The following OTC variants were observed in gnomAD, a reference collection of about 807,000 sequenced individuals.
OTC encodes the protein ornithine transcarbamylase, mitochondrial.
OTC carries 3 observed loss-of-function variants against 30.3 expected under a neutral mutation model. That is an observed-to-expected ratio of 0.10 (90% CI 0.05 to 0.26). OTC has a LOEUF of 0.26. Ranked by LOEUF, OTC falls within the 10% of genes least tolerant of loss-of-function variation. The probability of loss-of-function intolerance (pLI) is 1.00; values close to 1 mark genes in which losing one functional copy is unlikely to be tolerated. For missense variants in OTC, 194 were observed against 260.3 expected (o/e 0.75, Z 1.75); for synonymous variants, 111 against 99.7 (o/e 1.11, Z -0.67).
the OTC span, among the ~76,000 whole-genome samples, chrX:38,331,455 G>GT: frequency 1.1e-3 from 26 of 23,452 alleles, no homozygotes; most frequent in East Asian, 9.3e-3. Context: ...TTTTTTTTTT[G>GT]TTTGTTTTTT....
chrX:38,370,235 A>G (rs1335725856), intron 3 of OTC, among the ~76,000 whole-genome samples: 1 of 112,196 alleles, frequency 8.9e-6, no homozygotes, highest in Non-Finnish European at 1.9e-5. Context: ...TGTGTGTCTC[A>G]ATTCTGCTAG....
intron 4 of OTC, among the ~76,000 whole-genome samples, chrX:38,398,104 G>T (rs5917593): frequency 0.18 from 20,295 of 111,138 alleles, 1,592 homozygotes; most frequent in Middle Eastern, 0.27. Flanking sequence ...CTTTGCTTCA[G>T]GAGTTTTGGG....
chrX:38,390,997 A>T (rs772850442), intron 4 of OTC, among the ~76,000 whole-genome samples: 1 of 111,361 alleles, frequency 9.0e-6, no homozygotes, highest in Admixed American at 9.6e-5. Context: ...AAAAGAAAAA[A>T]CACCAAGCAA....
chrX:38,398,603 C>A (rs1569278871), intron 4 of OTC, among the ~76,000 whole-genome samples: 1 of 110,702 alleles, frequency 9.0e-6, no homozygotes, highest in Admixed American at 9.7e-5. Context: ...CTGCCCCCAC[C>A]CTCTCCTTCT....
chrX:38,396,119 A>AT (rs200519696), intron 4 of OTC, among the ~76,000 whole-genome samples: 33,226 of 97,423 alleles, frequency 0.34, 5,412 homozygotes, highest in Middle Eastern at 0.5. Flanking sequence ...CGCCCGGCTA[A>AT]TTTTTTTTTT....
chrX:38,364,579 C>T (rs1234851475), intron 1 of OTC, among the ~76,000 whole-genome samples: 2 of 110,940 alleles, frequency 1.8e-5, no homozygotes, highest in Non-Finnish European at 3.8e-5. Flanking sequence ...ATCACTTGTG[C>T]TCAGGAGTTC....
At chrX:38,348,641 A>G (rs1410597303), upstream of OTC, among the ~76,000 whole-genome samples, 4 of 104,433 alleles carry the variant, frequency 3.8e-5, no homozygotes, top group Non-Finnish European at 7.8e-5. Flanking sequence ...GGTTCACGCC[A>G]TTCTCCTGCC....
chrX:38,378,271 T>C (rs1487418901), intron 3 of OTC, among the ~76,000 whole-genome samples: 1 of 102,436 alleles, frequency 9.8e-6, no homozygotes, highest in Admixed American at 1.1e-4. Context: ...CCCACAATCA[T>C]TGTGGCTTCC....
chrX:38,356,402 T>C (rs2068241796), intron 1 of OTC, among the ~76,000 whole-genome samples: 1 of 111,859 alleles, frequency 8.9e-6, no homozygotes, highest in African/African-American at 3.3e-5. Context: ...TGAGTTCTTT[T>C]CACATGACCA....
chrX:38,396,113 C>T (rs181033172), intron 4 of OTC, among the ~76,000 whole-genome samples: 1,962 of 92,310 alleles, frequency 0.021, 46 homozygotes, highest in African/African-American at 0.068. Context: ...CCACCACGCC[C>T]GGCTAATTTT....
chrX:38,387,683 A>G (rs770388290), intron 4 of OTC, among the ~76,000 whole-genome samples: 6 of 111,786 alleles, frequency 5.4e-5, no homozygotes, highest in Non-Finnish European at 1.1e-4. Flanking sequence ...GATTTATCAC[A>G]ACAAAAGAAA....
In OTC at chrX:38,355,740, T is replaced by A. The variant is rs780653861; in HGVS notation, c.77+2967T>A. ...GTCGAAACTTAAAATGAATGCCTTT[T>A]AAAAACATCACTTCAGCTGGGTGCA... is the stretch of plus-strand genomic sequence containing the variant. On this transcript the variant is annotated intron_variant, in intron 1 of 9. Transcript: ENST00000039007. 1.5e-4 allele frequency among the ~76,000 whole-genome samples: 17 copies of A among 112,544 alleles called. No individual in the cohort carries two copies. The South Asian group carries it at 6.2e-3, about 41-fold the overall frequency.
intron 4 of OTC, among the ~76,000 whole-genome samples, chrX:38,396,763 A>C (rs1347340893): frequency 9.1e-6 from 1 of 110,152 alleles, no homozygotes; most frequent in Non-Finnish European, 1.9e-5. Context: ...ACAGAGCGAG[A>C]CTCCGTCTGA....
At chrX:38,363,809 AT>A (rs1235986016) in intron 1 of OTC, among the ~76,000 whole-genome samples, 1 of 111,634 alleles carries the variant, frequency 9.0e-6, no homozygotes, top group Non-Finnish European at 1.9e-5. Context: ...GTCTTTGTAT[AT>A]CTACAAACTT....
chrX:38,381,353 C>G lies in OTC; in HGVS notation c.310C>G (p.Leu104Val). Reference protein sequence around the residue: ...RLSTETGFALLGGHPCFLTTQ... With the variant: ...RLSTETGFALVGGHPCFLTTQ... ...TTTTTTTATTGTAGGCTTTGCACTT[C>G]TGGGAGGACATCCTTGTTTTCTTAC... Residue 104 changes from leucine to valine, a missense_variant, in exon 4 of 10, where the codon CTG (leucine) becomes GTG (valine). Leu to Val is a conservative substitution (Grantham distance 32). Coordinates refer to ENST00000039007, the MANE Select transcript of OTC (RefSeq NM_000531.6). 8.4e-7 allele frequency: 1 copy of G among 1,187,046 alleles called. No homozygotes were observed. Among genetic ancestry groups the G allele is most frequent in the Non-Finnish European group, 1.1e-6 (1 of 874,781 alleles).
At chrX:38,389,711 G>A (rs963411975) in intron 4 of OTC, among the ~76,000 whole-genome samples, 19 of 111,449 alleles carry the variant, frequency 1.7e-4, no homozygotes, top group Middle Eastern at 9.2e-3. Context: ...GTACCAGAGC[G>A]TCAAGGACAG....
intron 3 of OTC, among the ~76,000 whole-genome samples, chrX:38,375,105 G>A (rs919611977): frequency 1.8e-5 from 2 of 111,832 alleles, no homozygotes; most frequent in South Asian, 7.5e-4. Context: ...CTAGGTGCTC[G>A]GGAGTGATAC....
At chrX:38,367,202 T>C (rs1035166590) in intron 1 of OTC, 89 bp from the exon 2 acceptor site, 1 of 737,941 alleles carries the variant, frequency 1.4e-6, no homozygotes, top group African/African-American at 2.2e-5. Flanking sequence ...AAGAAAAGAA[T>C]GCCTTATCAA....
At chrX:38,384,689 C>T (rs778817542) in intron 4 of OTC, among the ~76,000 whole-genome samples, 2 of 111,477 alleles carry the variant, frequency 1.8e-5, no homozygotes, top group East Asian at 2.8e-4. Flanking sequence ...CACTGATTGA[C>T]GGTGTTGCTT....
Sources: gnomAD v4.1 joint callset for allele counts (sites outside exome capture counted in the v4.1 genomes callset) on GRCh38, gnomAD v4.1.1 for gene constraint, MANE v1.5 for transcripts, NCBI Gene and HGNC (gene_info 2026-07-23, HGNC 2026-07-21) for gene names.